TRPA1: variants seen among roughly 807,000 people sequenced by gnomAD.
TRPA1 encodes transient receptor potential cation channel subfamily A member 1.
Under a neutral mutation model 131.3 loss-of-function variants are expected in TRPA1, and 129 were observed. The ratio of observed to expected loss-of-function variants is 0.98; its 90% CI spans 0.85 to 1.14. The LOEUF is 1.14. Ranked by LOEUF, TRPA1 falls within the 50% of genes most tolerant of loss-of-function variation. The pLI is 0.00. For missense variants in TRPA1, 1,304 were observed against 1,354.2 expected (o/e 0.96, Z 0.58); for synonymous variants, 441 against 451.7 (o/e 0.98, Z 0.30).
At chr8:72,068,722 T>A (rs1458004415) in intron 3 of TRPA1, among the ~76,000 whole-genome samples, 1 of 152,194 alleles carries the variant, frequency 6.6e-6, no homozygotes, top group Non-Finnish European at 1.5e-5. Context: ...TGTACTCAGC[T>A]ATGAAATAAG....
At chr8:72,060,459 GT>G (rs1805780907) in intron 7 of TRPA1, 1 of 152,000 alleles carries the variant, frequency 6.6e-6, no homozygotes, top group African/African-American at 2.4e-5. Context: ...TATCTATTGA[GT>G]TTTCATTTTA....
chr8:72,061,677 T>G lies in TRPA1; in HGVS notation c.892A>C (p.Ser298Arg). 1.9e-6 allele frequency: 3 copies of G among 1,614,056 alleles called. No homozygotes were observed. The highest frequency in any genetic ancestry group is 2.5e-6 in the Non-Finnish European group (3 of 1,179,960). Residue 298 changes from serine (S) to arginine (R), a missense_variant, in exon 7 of 27, where the codon AGC (serine) becomes CGC (arginine). By Grantham distance (110) the Ser-to-Arg change is moderately radical. Transcript: ENST00000262209. ...VKLMISSYSG[S>R]VDIVNTTDGC... Reference sequence around the variant, plus strand: ...TCGGTTGTGTTAACAATATCCACGCTACCAGAATAGGACGATATCATCAGT... The same window carrying G: ...TCGGTTGTGTTAACAATATCCACGCGACCAGAATAGGACGATATCATCAGT...
chr8:72,078,342 G>A (rs145345254), upstream of TRPA1, among the ~76,000 whole-genome samples: 89 of 152,184 alleles, frequency 5.8e-4, no homozygotes, highest in Non-Finnish European at 1.1e-3. Context: ...CCACAATCCA[G>A]TTTTAGAATA....
chr8:72,036,165 C>T, intron 21 of TRPA1, 123 bp downstream of exon 21: 1 of 1,030,176 alleles, frequency 9.7e-7, no homozygotes, highest in South Asian at 1.6e-5. Flanking sequence ...TACAAAAATT[C>T]TTCATATTTT....
chr8:72,083,578 C>CGA, the TRPA1 span, among the ~76,000 whole-genome samples: 4 of 127,836 alleles, frequency 3.1e-5, no homozygotes, highest in African/African-American at 1.1e-4. Context: ...ACTAAAAATA[C>CGA]AAAAAAAAAA....
intron 3 of TRPA1, among the ~76,000 whole-genome samples, chr8:72,068,385 C>T (rs956483885): frequency 1.1e-4 from 17 of 152,164 alleles, no homozygotes; most frequent in Admixed American, 2.6e-4. Flanking sequence ...TACCCTTTAG[C>T]AATTTTCCAG....
chr8:72,061,521 C>T (rs1286512428), intron 7 of TRPA1, 104 bp downstream of exon 7: 14 of 1,416,952 alleles, frequency 9.9e-6, no homozygotes, highest in Non-Finnish European at 1.4e-5. Context: ...TTCCTTTGAA[C>T]CACAAAATCT....
chr8:72,079,880 G>A (rs574709150), upstream of TRPA1, among the ~76,000 whole-genome samples: 1 of 151,696 alleles, frequency 6.6e-6, no homozygotes. Flanking sequence ...GCATATTTTT[G>A]GTTAAATGTA....
chr8:72,041,748 T>C (rs1226230202), intron 17 of TRPA1, among the ~76,000 whole-genome samples: 2 of 151,806 alleles, frequency 1.3e-5, no homozygotes, highest in East Asian at 3.9e-4. Context: ...TAAATACTTA[T>C]GTTATAAAAG....
chr8:72,038,072 T>C lies in TRPA1; in HGVS notation c.2296A>G (p.Asn766Asp). ...SDHSEILDTT[N>D]SYLIKTCMIL... ...ATACAAGTTTTTATTAGATATGAAT[T>C]CTAAAACAAAAAAGGATAAGACACA... The change falls in exon 20 of 27, where the codon AAT becomes GAT. Residue 766 changes from asparagine (N) to aspartate (D), a missense_variant and splice_region_variant. Coordinates refer to ENST00000262209, the MANE Select transcript of TRPA1 (RefSeq NM_007332.3). 1 of 1,457,524 alleles carries C rather than the reference T, an allele frequency of 6.9e-7. No homozygotes were observed. Among genetic ancestry groups the C allele is most frequent in the Non-Finnish European group, 9.6e-7 (1 of 1,043,470 alleles). 90.3% of individuals were successfully genotyped at this position (1,457,524 alleles called of 1,614,324 possible).
chr8:72,063,028 T>TA (rs890492532), intron 5 of TRPA1, 84 bp from the exon 6 acceptor site: 13 of 1,333,430 alleles, frequency 9.7e-6, no homozygotes, highest in Admixed American at 4.4e-5. Flanking sequence ...TGAACAAAGG[T>TA]AAAAAAACAA....
intron 9 of TRPA1, 77 bp from the exon 10 acceptor site, chr8:72,057,094 A>G (rs1193141685): frequency 9.0e-7 from 1 of 1,116,326 alleles, no homozygotes; most frequent in African/African-American, 1.6e-5. Context: ...TCAACTTAGC[A>G]AAAAAAAATT....
chr8:72,075,352 C>A lies in TRPA1; in HGVS notation c.58G>T (p.Val20Phe), dbSNP rs112694543. 6.2e-7 allele frequency: 1 copy of A among 1,612,886 alleles called. No homozygotes were observed. The highest frequency in any genetic ancestry group is 8.5e-7 in the Non-Finnish European group (1 of 1,179,854). Residue 20 changes from valine (V) to phenylalanine (F), a missense_variant, in exon 1 of 27, where the codon GTT becomes TTT. Val to Phe is a conservative substitution (Grantham distance 50, BLOSUM62 -1). Coordinates refer to ENST00000262209, the MANE Select transcript of TRPA1 (RefSeq NM_007332.3). Reference protein sequence around the residue: ...RPGEKKEPQGVVYEDVPDDTE... With the variant: ...RPGEKKEPQGFVYEDVPDDTE... ...TCGTCCGGCACATCCTCATAGACAA[C>A]GCCCTGGGGCTCCTTCTTTTCTCCA...
intron 21 of TRPA1, among the ~76,000 whole-genome samples, chr8:72,034,822 C>A (rs534426763): frequency 6.6e-6 from 1 of 152,190 alleles, no homozygotes; most frequent in Non-Finnish European, 1.5e-5. Flanking sequence ...GGATTGTAGG[C>A]GTGAGTCACT....
chr8:72,028,516 T>A (rs1811685384), intron 24 of TRPA1, among the ~76,000 whole-genome samples: 1 of 152,220 alleles, frequency 6.6e-6, no homozygotes, highest in African/African-American at 2.4e-5. Context: ...CCCCTCCATG[T>A]TGCATTCTCT....
the TRPA1 span, among the ~76,000 whole-genome samples, chr8:72,083,457 G>T: frequency 1.3e-5 from 2 of 151,970 alleles, no homozygotes; most frequent in Non-Finnish European, 2.9e-5. Context: ...TTTTCTGGCC[G>T]GGCACAGTGG....
intron 25 of TRPA1, among the ~76,000 whole-genome samples, chr8:72,024,489 G>A (rs1811512541): frequency 6.6e-6 from 1 of 152,264 alleles, no homozygotes; most frequent in Non-Finnish European, 1.5e-5. Context: ...GAAGTCAAAT[G>A]GACCAGACTG....
chr8:72,055,627 T>C, intron 11 of TRPA1, 27 bp from the exon 12 acceptor site: 1 of 1,613,412 alleles, frequency 6.2e-7, no homozygotes, highest in South Asian at 1.1e-5. Flanking sequence ...TTTCATATTT[T>C]CAAGGCAAAT....
chr8:72,059,945 T>A (rs763716256), intron 7 of TRPA1, among the ~76,000 whole-genome samples: 23 of 152,186 alleles, frequency 1.5e-4, no homozygotes, highest in Non-Finnish European at 3.2e-4. Flanking sequence ...GAAAACATTT[T>A]GGTATCATCT....
Sources: gnomAD v4.1 joint callset for allele counts (sites outside exome capture counted in the v4.1 genomes callset) on GRCh38, gnomAD v4.1.1 for gene constraint, MANE v1.5 for transcripts, NCBI Gene and HGNC (gene_info 2026-07-23, HGNC 2026-07-21) for gene names.